The following FAM9A variants were observed in gnomAD, a reference collection of about 807,000 sequenced individuals.
FAM9A encodes protein FAM9A.
A neutral mutation model predicts 25.0 loss-of-function variants in FAM9A; 49 were observed. The ratio of observed to expected loss-of-function variants is 1.96; its 90% CI spans 1.56 to 2.48. The LOEUF (loss-of-function observed/expected upper bound fraction) is 2.48. Ranked by LOEUF, FAM9A falls within the 30% of genes most tolerant of loss-of-function variation. The pLI is 0.00. For synonymous variants in FAM9A, 80 were observed against 85.1 expected (o/e 0.94, Z 0.33); for missense variants, 266 against 249.3 (o/e 1.07, Z -0.45).
At chrX:8,796,496 T>G in intron 5 of FAM9A, 114 bp from the exon 6 acceptor site, 1 of 494,088 alleles carries the variant, frequency 2.0e-6, no homozygotes, top group Non-Finnish European at 3.4e-6. Context: ...ACATTTACAT[T>G]GTAAAATACA....
intron 7 of FAM9A, 80 bp from the exon 8 acceptor site, chrX:8,793,836 G>A: frequency 1.5e-6 from 1 of 647,995 alleles, no homozygotes; most frequent in South Asian, 2.7e-5. Context: ...AGCTTTATAG[G>A]AATACTCTTT....
At chrX:8,798,641 G>A (rs769447147) in intron 3 of FAM9A, among the ~76,000 whole-genome samples, 162 bp from the exon 4 acceptor site, 3 of 112,367 alleles carry the variant, frequency 2.7e-5, no homozygotes, top group Non-Finnish European at 5.6e-5. Flanking sequence ...CCGTTTTACC[G>A]AGGCATTTTT....
intron 3 of FAM9A, among the ~76,000 whole-genome samples, chrX:8,798,744 C>T (rs1317552122): frequency 8.9e-6 from 1 of 112,803 alleles, no homozygotes; most frequent in Non-Finnish European, 1.9e-5. Flanking sequence ...AGCTGCTCTG[C>T]GAGCATCTGT....
Position 8,795,252 on chromosome X carries a change from T to C in FAM9A, c.657A>G (p.Val219=). Residue 219 remains valine, a synonymous_variant, in exon 7 of 10, where the codon GTA becomes GTG. Transcript: ENST00000381003. ...AAAAAAEVIV[V]EDEEEEEKEE... is the part of the protein sequence containing the mutation. Reference sequence around the variant, plus strand: ...CCTTCTCTTCCTCCTCTTCGTCTTCTACTACTATTACTTCTGCTGCTGCTG... The same window carrying C: ...CCTTCTCTTCCTCCTCTTCGTCTTCCACTACTATTACTTCTGCTGCTGCTG... 8.5e-7 allele frequency: 1 copy of C among 1,170,582 alleles called. No homozygotes were observed. The highest frequency in any genetic ancestry group is 1.2e-6 in the Non-Finnish European group (1 of 868,832).
intron 2 of FAM9A, among the ~76,000 whole-genome samples, chrX:8,799,629 A>C (rs867529888): frequency 8.1e-4 from 10 of 12,335 alleles, no homozygotes; most frequent in African/African-American, 1.3e-3. Context: ...CCATCCCCTC[A>C]CCCCACGAAC....
intron 5 of FAM9A, among the ~76,000 whole-genome samples, chrX:8,797,471 G>T (rs1933546898): frequency 1.8e-5 from 2 of 111,785 alleles, no homozygotes; most frequent in African/African-American, 6.5e-5. Context: ...AATAATAATA[G>T]AATATCATCA....
In FAM9A at chrX:8,798,171, TGG is replaced by T; in HGVS notation, c.350_351del (p.Thr117AsnfsTer9). 8.3e-7 allele frequency: 1 copy of T among 1,205,816 alleles called. No homozygotes were observed. Among genetic ancestry groups the T allele is most frequent in the Non-Finnish European group, 1.1e-6 (1 of 892,675 alleles). On this transcript the variant is annotated frameshift_variant, in exon 5 of 10. Coordinates refer to ENST00000381003, the MANE Select transcript of FAM9A (RefSeq NM_174951.3). LOFTEE classifies it high-confidence loss of function. ...ATACCTGCAATATGTTCTAGCTTCATGGTATGAATCCTGTAAAAAAAGTTACA... is the reference window on the plus strand; with the variant it reads ...ATACCTGCAATATGTTCTAGCTTCATTATGAATCCTGTAAAAAAAGTTACA... ...AEKDEHTGIH[T>X]MKLEHIAADI... is the part of the protein sequence containing the mutation.
rs1402085747 is a variant in FAM9A, at chrX:8,798,963, T to C, written c.220+3A>G. ...CTTTTCTGGCCCCTTGGGCTGTGTTTACCTGTGTGCTTCTTCGCCGGGGCG... is the reference window on the plus strand; with the variant it reads ...CTTTTCTGGCCCCTTGGGCTGTGTTCACCTGTGTGCTTCTTCGCCGGGGCG... On this transcript the variant is annotated splice_donor_region_variant and intron_variant, in intron 3 of 9. Coordinates refer to ENST00000381003, the MANE Select transcript of FAM9A (RefSeq NM_174951.3). 8.2e-7 allele frequency: 1 copy of C among 1,212,620 alleles called. No homozygotes were observed. Among genetic ancestry groups the C allele is most frequent in the African/African-American group, 1.7e-5 (1 of 58,081 alleles).
chrX:8,792,253 C>T (rs1039708033), intron 8 of FAM9A, among the ~76,000 whole-genome samples: 1 of 110,297 alleles, frequency 9.1e-6, no homozygotes, highest in Admixed American at 9.7e-5. Flanking sequence ...AGAACTGAGA[C>T]GGGGCATCAC....
At chrX:8,798,204 AT>A in intron 4 of FAM9A, 23 bp from the exon 5 acceptor site, 1 of 1,205,234 alleles carries the variant, frequency 8.3e-7, no homozygotes, top group South Asian at 1.8e-5. Context: ...TTACATCAAA[AT>A]TTTATCATAA....
At chrX:8,792,628 C>A (rs1933483098) in intron 8 of FAM9A, among the ~76,000 whole-genome samples, 1 of 111,664 alleles carries the variant, frequency 9.0e-6, no homozygotes, top group South Asian at 3.8e-4. Context: ...TAAATGGTTT[C>A]TGGTGAACAT....
chrX:8,798,928 C>A (rs202152195), intron 3 of FAM9A, 38 bp downstream of exon 3: 1 of 1,211,133 alleles, frequency 8.3e-7, no homozygotes, highest in Non-Finnish European at 1.1e-6. Flanking sequence ...TCCTCTTGGG[C>A]GTGCACCTTC....
chrX:8,798,504 C>A (rs200743802), intron 3 of FAM9A, 25 bp from the exon 4 acceptor site: 9 of 1,198,617 alleles, frequency 7.5e-6, no homozygotes, highest in Middle Eastern at 2.3e-4. Context: ...AAAAGACAAA[C>A]CATTTTTAGA....
intron 7 of FAM9A, among the ~76,000 whole-genome samples, chrX:8,794,809 A>G (rs1389424865): frequency 8.9e-6 from 1 of 112,052 alleles, no homozygotes; most frequent in Non-Finnish European, 1.9e-5. Context: ...GCGCAGCTAC[A>G]CCCCAACCCA....
In FAM9A at chrX:8,800,088, C is replaced by T. The variant is rs375127337; in HGVS notation, c.84G>A (p.Thr28=). 54 of 1,205,420 alleles carry T rather than the reference C, an allele frequency of 4.5e-5. 1 individual carries two copies. Among genetic ancestry groups the T allele is most frequent in the Non-Finnish European group, 2.1e-5 (19 of 893,388 alleles). ...EAQVTAAQGA[T]KEGSGIASNF... ...ATCTCCTTGGGCGTGCACCTTCTTT[C>T]GTGGCCCCCTGGGCGGCCGTAACTT... The change falls in exon 2 of 10, where the codon ACG becomes ACA. Residue 28 remains threonine (T), a synonymous_variant. Coordinates refer to ENST00000381003, the MANE Select transcript of FAM9A (RefSeq NM_174951.3).
chrX:8,796,250 A>G lies in FAM9A; in HGVS notation c.488+18T>C. The G allele has an allele frequency of 9.0e-7, 1 of 1,109,808 alleles. No individual in the cohort carries two copies. Among genetic ancestry groups the G allele is most frequent in the Non-Finnish European group, 1.2e-6 (1 of 818,122 alleles). 91.5% of individuals were successfully genotyped at this position (1,109,808 alleles called of 1,213,427 possible). ...AAATGATATAAATATCATTATGCAA[A>G]AAAGCCAACAATCATACCTTTTTAG... is the stretch of plus-strand genomic sequence containing the variant. On this transcript the variant is annotated intron_variant, in intron 6 of 9. Transcript: ENST00000381003.
chrX:8,795,259 ATTAC>A lies in FAM9A; in HGVS notation c.646_649del (p.Val216Ter). On this transcript the variant is annotated frameshift_variant, in exon 7 of 10. Transcript: ENST00000381003. LOFTEE classifies it high-confidence loss of function. Reference sequence around the variant, plus strand: ...TTCCTCCTCTTCGTCTTCTACTACTATTACTTCTGCTGCTGCTGCTGCGGCTTCT... The same window carrying A: ...TTCCTCCTCTTCGTCTTCTACTACTATTCTGCTGCTGCTGCTGCGGCTTCT... 1.7e-6 allele frequency: 2 copies of A among 1,176,505 alleles called. No individual in the cohort carries two copies. Among genetic ancestry groups the A allele is most frequent in the Non-Finnish European group, 2.3e-6 (2 of 875,463 alleles).
At position 8,800,359 on chromosome X, in the gene FAM9A, C is replaced by T. The variant is rs1358872070; in HGVS notation, c.-38-150G>A. The T allele has an allele frequency of 1.1e-5, 8 of 745,938 alleles. No homozygotes were observed. In the African/African-American group the frequency reaches 1.5e-4, roughly 14 times the overall value. The allele number at this position is 745,938 out of a possible 1,213,427, so 61.5% of individuals were successfully genotyped here. On this transcript the variant is annotated intron_variant, in intron 1 of 9. Coordinates refer to ENST00000381003, the MANE Select transcript of FAM9A (RefSeq NM_174951.3). ...AGGGGTCGGAGAAGATGCCAGTGTC[C>T]CCTCCTATCCTTCGTGGCCCGTCCA...
chrX:8,791,518 T>C, intron 8 of FAM9A, 139 bp from the exon 9 acceptor site: 1 of 455,110 alleles, frequency 2.2e-6, no homozygotes, highest in Non-Finnish European at 3.6e-6. Context: ...AAAAAAACTG[T>C]AACCAATACA....
Sources: gnomAD v4.1 joint callset for allele counts (sites outside exome capture counted in the v4.1 genomes callset) on GRCh38, gnomAD v4.1.1 for gene constraint, MANE v1.5 for transcripts, NCBI Gene and HGNC (gene_info 2026-07-23, HGNC 2026-07-21) for gene names.